The following VEPH1 variants were observed in gnomAD, a reference collection of about 807,000 sequenced individuals.
VEPH1 encodes the protein ventricular zone expressed PH domain containing 1, also known as ventricular zone-expressed PH domain-containing protein homolog 1.
In VEPH1, 80 loss-of-function variants were observed where a neutral mutation model predicts 85.2. The observed-to-expected ratio is 0.94, with a 90% CI of 0.78 to 1.13. VEPH1 has a LOEUF of 1.13. Ranked by LOEUF, VEPH1 falls within the 50% of genes most tolerant of loss-of-function variation. VEPH1 has a pLI of 0.00. For missense variants in VEPH1, 955 were observed against 980.5 expected, an observed-to-expected ratio of 0.97 and a Z score of 0.35; for synonymous variants, 297 against 348.0, an observed-to-expected ratio of 0.85 and a Z score of 1.63.
At chr3:157,299,693 A>T (rs1034389854) in intron 11 of VEPH1, among the ~76,000 whole-genome samples, 4 of 119,934 alleles carry the variant, frequency 3.3e-5, no homozygotes, top group African/African-American at 1.0e-4. Flanking sequence ...GGACATGCAG[A>T]CATTAATGGA....
intron 7 of VEPH1, among the ~76,000 whole-genome samples, chr3:157,372,421 T>C (rs2108817896): frequency 6.6e-6 from 1 of 152,348 alleles, no homozygotes; most frequent in East Asian, 1.9e-4. Flanking sequence ...TCTAACAGCC[T>C]TCAGGCTGCC....
chr3:157,475,959 T>G (rs1288043290), intron 2 of VEPH1, among the ~76,000 whole-genome samples: 1 of 152,126 alleles, frequency 6.6e-6, no homozygotes, highest in Admixed American at 6.5e-5. Flanking sequence ...GATCCACACA[T>G]GGGATTGGAC....
At chr3:157,279,546 A>C (rs919232509) in intron 12 of VEPH1, among the ~76,000 whole-genome samples, 42 of 152,280 alleles carry the variant, frequency 2.8e-4, no homozygotes, top group African/African-American at 9.9e-4. Context: ...AGGATAAGCC[A>C]CTTAATTATG....
chr3:157,280,390 G>A (rs1715949241), intron 12 of VEPH1, among the ~76,000 whole-genome samples: 1 of 152,084 alleles, frequency 6.6e-6, no homozygotes, highest in Non-Finnish European at 1.5e-5. Flanking sequence ...CTGATGCTTT[G>A]TTGCAAGTAT....
intron 4 of VEPH1, among the ~76,000 whole-genome samples, chr3:157,447,751 C>T (rs527259133): frequency 3.8e-4 from 58 of 151,992 alleles, no homozygotes; most frequent in South Asian, 2.3e-3. Context: ...TGTGCCACCA[C>T]GCCTGGCTAA....
chr3:157,277,828 G>A (rs1399778033), intron 12 of VEPH1, among the ~76,000 whole-genome samples: 1 of 152,158 alleles, frequency 6.6e-6, no homozygotes, highest in Admixed American at 6.5e-5. Context: ...AGAAGAGACT[G>A]CTTATATAAA....
At chr3:157,306,843 T>C (rs978610173) in intron 11 of VEPH1, among the ~76,000 whole-genome samples, 3 of 152,032 alleles carry the variant, frequency 2.0e-5, no homozygotes, top group African/African-American at 7.2e-5. Flanking sequence ...GTACCCAATA[T>C]GTAGTTTTTT....
chr3:157,383,773 T>C (rs936431185), intron 6 of VEPH1, among the ~76,000 whole-genome samples: 2 of 152,202 alleles, frequency 1.3e-5, no homozygotes, highest in Admixed American at 6.5e-5. Flanking sequence ...TAATGTTAGA[T>C]GAATGAAAAT....
intron 9 of VEPH1, among the ~76,000 whole-genome samples, chr3:157,330,417 T>C (rs1216799832): frequency 6.6e-6 from 1 of 152,222 alleles, no homozygotes; most frequent in African/African-American, 2.4e-5. Flanking sequence ...AGAAAGCTGT[T>C]GAGCTGTTGC....
chr3:157,449,443 T>C (rs1032588158), intron 4 of VEPH1, among the ~76,000 whole-genome samples: 2 of 152,230 alleles, frequency 1.3e-5, no homozygotes, highest in Admixed American at 1.3e-4. Flanking sequence ...CCTTCTCTAT[T>C]GTCAATATTC....
At chr3:157,364,992 T>C (rs1246371022) in intron 7 of VEPH1, among the ~76,000 whole-genome samples, 1 of 152,232 alleles carries the variant, frequency 6.6e-6, no homozygotes, top group Non-Finnish European at 1.5e-5. Context: ...AGGAGAAATA[T>C]CTTTCTGAAT....
chr3:157,344,026 C>T (rs9681256), intron 9 of VEPH1, among the ~76,000 whole-genome samples: 17,183 of 152,152 alleles, frequency 0.11, 3,096 homozygotes, highest in African/African-American at 0.38. Flanking sequence ...TGGGACGTAT[C>T]TCAAAATAAT....
At chr3:157,404,943 G>A (rs1731043082) in intron 6 of VEPH1, among the ~76,000 whole-genome samples, 1 of 152,152 alleles carries the variant, frequency 6.6e-6, no homozygotes, top group Non-Finnish European at 1.5e-5. Flanking sequence ...GTCCTTTCTG[G>A]TGAATCTGAG....
chr3:157,348,403 C>T (rs1385381074), intron 9 of VEPH1, among the ~76,000 whole-genome samples: 1 of 152,118 alleles, frequency 6.6e-6, no homozygotes, highest in Non-Finnish European at 1.5e-5. Context: ...TGCATCCTCA[C>T]CAGCATTTGT....
At chr3:157,435,455 C>G (rs1451944524) in intron 4 of VEPH1, among the ~76,000 whole-genome samples, 1 of 152,222 alleles carries the variant, frequency 6.6e-6, no homozygotes, top group East Asian at 1.9e-4. Context: ...GACATGATTG[C>G]TTCCTACCTC....
intron 3 of VEPH1, among the ~76,000 whole-genome samples, chr3:157,467,590 T>C (rs1322454127): frequency 1.3e-5 from 2 of 152,234 alleles, no homozygotes; most frequent in Admixed American, 6.5e-5. Context: ...TTCCTGGTGC[T>C]GCATTTCTGG....
intron 6 of VEPH1, among the ~76,000 whole-genome samples, chr3:157,404,086 A>C (rs948167671): frequency 2.6e-5 from 4 of 152,274 alleles, no homozygotes; most frequent in Middle Eastern, 6.8e-3. Context: ...CAATGTCTCT[A>C]GTTTTCCTGA....
chr3:157,383,531 A>C (rs978679990), intron 6 of VEPH1, among the ~76,000 whole-genome samples: 3 of 152,228 alleles, frequency 2.0e-5, no homozygotes, highest in African/African-American at 7.2e-5. Flanking sequence ...ATACAGAACA[A>C]ATTTAAGTAG....
At chr3:157,278,232 C>T (rs1401011991) in intron 12 of VEPH1, among the ~76,000 whole-genome samples, 1 of 152,100 alleles carries the variant, frequency 6.6e-6, no homozygotes, top group Non-Finnish European at 1.5e-5. Context: ...AAAAGGCTTC[C>T]AATACTGAAG....
Sources: allele counts gnomAD v4.1 joint callset (sites outside exome capture counted in the v4.1 genomes callset), GRCh38; gene constraint gnomAD v4.1.1; transcripts MANE v1.5; gene names NCBI Gene and HGNC (gene_info 2026-07-23, HGNC 2026-07-21).